MYO1D: variants seen among roughly 807,000 people sequenced by gnomAD.
MYO1D encodes unconventional myosin-Id.
MYO1D carries 83 observed loss-of-function variants against 122.0 expected under a neutral mutation model. The ratio of observed to expected loss-of-function variants is 0.68; its 90% confidence interval spans 0.57 to 0.82. The LOEUF is 0.82. Ranked by LOEUF, MYO1D falls within the 40% of genes least tolerant of loss-of-function variation. The probability of loss-of-function intolerance (pLI) is 0.00; values close to 1 mark genes in which losing one functional copy is unlikely to be tolerated. For synonymous variants in MYO1D, 464 were observed against 446.9 expected, an observed-to-expected ratio of 1.04 and a Z score of -0.48; for missense variants, 1,157 against 1,269.5, an observed-to-expected ratio of 0.91 and a Z score of 1.35.
chr17:32,528,620 T>C (rs1910419614), intron 21 of MYO1D, among the ~76,000 whole-genome samples: 1 of 152,150 alleles, frequency 6.6e-6, no homozygotes, highest in Admixed American at 6.5e-5. Context: ...GTAAGGCTGC[T>C]GAGATGGGGA....
chr17:32,721,016 T>A lies in MYO1D; in HGVS notation c.1913+7A>T. The A allele has an allele frequency of 6.2e-7, 1 of 1,613,574 alleles. No homozygotes were observed. The highest frequency in any genetic ancestry group is 8.5e-7 in the Non-Finnish European group (1 of 1,179,606). The stretch of plus-strand genomic sequence containing the variant: ...GAACTAGGCCTCTCTGACGAGTCTA[T>A]TCTCACCTGTGAAGAAACTTCTCGT... On this transcript the variant is annotated splice_region_variant and intron_variant, in intron 15 of 21. Transcript: ENST00000318217.
chr17:32,520,747 C>T (rs559860538), intron 21 of MYO1D, among the ~76,000 whole-genome samples: 1 of 152,334 alleles, frequency 6.6e-6, no homozygotes, highest in Admixed American at 6.5e-5. Context: ...CATATGTGTT[C>T]TTTGGTTATC....
In MYO1D at chr17:32,872,432, C is replaced by T. The variant is rs548867799; in HGVS notation, c.95+4346G>A. ...GGACCACAGGCACCCACCACCACGC[C>T]TGGCTAATTTTTTTTGTATTTTTAG... On this transcript the variant is annotated intron_variant, in intron 1 of 21. Transcript: ENST00000318217. Among the ~76,000 whole-genome samples the T allele has an allele frequency of 4.9e-4, 74 of 152,118 alleles. 1 individual carries two copies. In the South Asian group the frequency reaches 0.014, roughly 29 times the overall value.
intron 1 of MYO1D, among the ~76,000 whole-genome samples, chr17:32,848,576 G>T (rs2090958278): frequency 6.6e-6 from 1 of 152,216 alleles, no homozygotes; most frequent in African/African-American, 2.4e-5. Flanking sequence ...TGTTTTGTAT[G>T]TTACAGAGGC....
At chr17:32,874,152 C>T (rs1453374580) in intron 1 of MYO1D, among the ~76,000 whole-genome samples, 1 of 152,196 alleles carries the variant, frequency 6.6e-6, no homozygotes, top group Non-Finnish European at 1.5e-5. Flanking sequence ...CCTAAGGTAT[C>T]TCTCTCTCTT....
chr17:32,534,524 C>T (rs967945955), intron 21 of MYO1D, among the ~76,000 whole-genome samples: 2 of 152,112 alleles, frequency 1.3e-5, no homozygotes, highest in Admixed American at 6.6e-5. Flanking sequence ...AATGAGGGCA[C>T]ATATAGACAC....
intron 8 of MYO1D, 74 bp from the exon 9 acceptor site, chr17:32,760,701 T>C: frequency 6.9e-7 from 1 of 1,444,956 alleles, no homozygotes; most frequent in Non-Finnish European, 9.4e-7. Flanking sequence ...TGATCAGTTT[T>C]AAATTCCTGT....
In MYO1D at chr17:32,861,451, C is replaced by A. The variant is rs190801519; in HGVS notation, c.95+15327G>T. Among the ~76,000 whole-genome samples the A allele has an allele frequency of 2.8e-3, 419 of 152,292 alleles. 4 individuals carry two copies. Among genetic ancestry groups the A allele is most frequent in the African/African-American group, 8.7e-3 (362 of 41,568 alleles). The stretch of plus-strand genomic sequence containing the variant: ...ACGAATGTGACAAAAAACAAACATT[C>A]AGCCATCTCCCAGACCAGAGAGATT... On this transcript the variant is annotated intron_variant, in intron 1 of 21. Coordinates refer to ENST00000318217, the MANE Select transcript of MYO1D (RefSeq NM_015194.3).
At chr17:32,798,424 A>C (rs1239463207) in intron 1 of MYO1D, among the ~76,000 whole-genome samples, 1 of 152,102 alleles carries the variant, frequency 6.6e-6, no homozygotes, top group Non-Finnish European at 1.5e-5. Flanking sequence ...CCTTTTTTTA[A>C]AGAATAATCT....
intron 20 of MYO1D, among the ~76,000 whole-genome samples, chr17:32,624,435 T>A (rs1567915559): frequency 2.6e-5 from 4 of 152,104 alleles, no homozygotes; most frequent in Admixed American, 2.0e-4. Flanking sequence ...GACCTGGGTA[T>A]CAGTAATTTT....
intron 19 of MYO1D, among the ~76,000 whole-genome samples, chr17:32,641,607 C>G (rs2088202141): frequency 6.6e-6 from 1 of 152,196 alleles, no homozygotes; most frequent in African/African-American, 2.4e-5. Context: ...TGTTTCCTGA[C>G]TTTTTAATGA....
chr17:32,874,648 C>T (rs1038335093), intron 1 of MYO1D, among the ~76,000 whole-genome samples: 1 of 152,126 alleles, frequency 6.6e-6, no homozygotes, highest in Non-Finnish European at 1.5e-5. Flanking sequence ...TTCGGCCGGG[C>T]ATGGTGGCTC....
At chr17:32,665,419 C>T (rs978237932) in intron 16 of MYO1D, among the ~76,000 whole-genome samples, 3 of 152,146 alleles carry the variant, frequency 2.0e-5, no homozygotes, top group African/African-American at 7.2e-5. Context: ...ATGCCAAGGA[C>T]CTAGTTAATA....
At chr17:32,708,375 T>G (rs987330673) in intron 16 of MYO1D, among the ~76,000 whole-genome samples, 1 of 152,208 alleles carries the variant, frequency 6.6e-6, no homozygotes, top group African/African-American at 2.4e-5. Flanking sequence ...CATTTTCCCT[T>G]ATATTTTTTG....
chr17:32,501,465 AGGAAAGATCTGAAT>A (rs1909316211), intron 21 of MYO1D, among the ~76,000 whole-genome samples: 1 of 152,232 alleles, frequency 6.6e-6, no homozygotes, highest in Non-Finnish European at 1.5e-5. Context: ...CAGAGAGGCC[AGGAAAGATCTGAAT>A]GGACAGGCCT....
At chr17:32,673,090 CTTTTTTTTTTTTTTTTT>C (rs60912187) in intron 16 of MYO1D, among the ~76,000 whole-genome samples, 427 of 28,650 alleles carry the variant, frequency 0.015, 15 homozygotes, top group East Asian at 0.12. Flanking sequence ...AAACATGCTA[CTTTTTTTTTTTTTTTTT>C]TTTTTTTTTT....
intron 16 of MYO1D, among the ~76,000 whole-genome samples, chr17:32,698,979 T>A (rs1000636909): frequency 1.3e-5 from 2 of 152,164 alleles, no homozygotes; most frequent in African/African-American, 4.8e-5. Flanking sequence ...TTAATTTTAA[T>A]TTTTTTCAAG....
chr17:32,761,909 G>A (rs900846744), intron 8 of MYO1D, among the ~76,000 whole-genome samples: 11 of 152,082 alleles, frequency 7.2e-5, no homozygotes, highest in African/African-American at 1.9e-4. Flanking sequence ...GTTTGTTAGA[G>A]ATACAGGTCT....
intron 16 of MYO1D, among the ~76,000 whole-genome samples, chr17:32,687,192 C>A (rs1360062727): frequency 1.5e-5 from 2 of 130,538 alleles, no homozygotes; most frequent in Non-Finnish European, 3.2e-5. Context: ...ACATGCCTGG[C>A]TAATTTTTTT....
Sources: allele counts gnomAD v4.1 joint callset (sites outside exome capture counted in the v4.1 genomes callset), GRCh38; gene constraint gnomAD v4.1.1; transcripts MANE v1.5; gene names NCBI Gene and HGNC (gene_info 2026-07-23, HGNC 2026-07-21).